SV2C: variants seen among roughly 807,000 people sequenced by gnomAD.
The protein encoded by SV2C is synaptic vesicle glycoprotein 2C.
A neutral mutation model predicts 79.7 loss-of-function variants in SV2C; 49 were observed. That is an observed-to-expected ratio of 0.61 (90% CI 0.49 to 0.78). The LOEUF is 0.78. Ranked by LOEUF, SV2C falls within the 30% of genes least tolerant of loss-of-function variation. SV2C has a pLI of 0.00. For synonymous variants in SV2C, 334 were observed against 333.2 expected (o/e 1.00, Z -0.03); for missense variants, 833 against 912.9 (o/e 0.91, Z 1.13).
intron 4 of SV2C, among the ~76,000 whole-genome samples, chr5:76,248,916 G>A (rs1436707143): frequency 6.6e-6 from 1 of 152,190 alleles, no homozygotes; most frequent in East Asian, 1.9e-4. Flanking sequence ...ACCACGCCTG[G>A]CCTCAGTGAA....
intron 4 of SV2C, among the ~76,000 whole-genome samples, chr5:76,268,314 A>G (rs941133886): frequency 1.3e-5 from 2 of 152,134 alleles, no homozygotes; most frequent in Non-Finnish European, 2.9e-5. Flanking sequence ...GCTGAGAGAC[A>G]ATGAATACTG....
intron 4 of SV2C, among the ~76,000 whole-genome samples, chr5:76,241,687 C>A (rs1745790002): frequency 6.6e-6 from 1 of 151,770 alleles, no homozygotes; most frequent in Admixed American, 6.6e-5. Context: ...GACATAAAAA[C>A]AAATTTGTTT....
At chr5:76,218,426 T>TA (rs1374788531) in intron 4 of SV2C, among the ~76,000 whole-genome samples, 1 of 152,080 alleles carries the variant, frequency 6.6e-6, no homozygotes, top group Non-Finnish European at 1.5e-5. Flanking sequence ...TATGCAGCCA[T>TA]AAAAAATAAT....
chr5:75,928,716 A>T, the SV2C span, among the ~76,000 whole-genome samples: 2 of 152,060 alleles, frequency 1.3e-5, no homozygotes, highest in South Asian at 4.1e-4. Context: ...AAGTACTCTT[A>T]CTGTCTCTGT....
chr5:76,022,791 C>T, the SV2C span, among the ~76,000 whole-genome samples: 1 of 152,132 alleles, frequency 6.6e-6, no homozygotes, highest in East Asian at 1.9e-4. Context: ...TTCATGAAAT[C>T]ACTTTATGTG....
chr5:75,921,372 G>C, the SV2C span: 39 of 916,382 alleles, frequency 4.3e-5, no homozygotes, highest in South Asian at 2.7e-4. Flanking sequence ...GGGGGGTGCT[G>C]GTAGGTGTCC....
chr5:76,309,599 C>CAAAAAAAAAA (rs769865757), intron 12 of SV2C, among the ~76,000 whole-genome samples: 2 of 18,714 alleles, frequency 1.1e-4, no homozygotes, highest in Admixed American at 7.9e-4. Context: ...AACTCCATCT[C>CAAAAAAAAAA]AAAAAAAAAA....
the SV2C span, among the ~76,000 whole-genome samples, chr5:75,847,774 G>A: frequency 6.6e-6 from 1 of 152,196 alleles, no homozygotes; most frequent in African/African-American, 2.4e-5. Context: ...TGACCTCCAA[G>A]CTAGAGGAGA....
At chr5:75,898,292 T>C in the SV2C span, among the ~76,000 whole-genome samples, 4 of 152,254 alleles carry the variant, frequency 2.6e-5, no homozygotes, top group African/African-American at 9.6e-5. Flanking sequence ...TGTTGAATTT[T>C]GTCCAAGGCC....
At chr5:75,852,252 G>A in the SV2C span, among the ~76,000 whole-genome samples, 1 of 152,044 alleles carries the variant, frequency 6.6e-6, no homozygotes, top group Admixed American at 6.6e-5. Flanking sequence ...ACTATGGCAC[G>A]TGTATACCTA....
the SV2C span, among the ~76,000 whole-genome samples, chr5:75,848,573 T>C: frequency 1.3e-5 from 2 of 152,246 alleles, no homozygotes; most frequent in Admixed American, 1.3e-4. Context: ...TGTTTTAAGT[T>C]GTCTGCCATT....
rs151155605 is a variant in SV2C at position 76,198,128 on chromosome 5, G to T, written c.761+3029G>T. On this transcript the variant is annotated intron_variant, in intron 3 of 12. Transcript: ENST00000502798. ...ACTTCTCCACTCAGTTTACCAATTTGCATGCCCATCTCCTCCAGAAACACC... is the reference window on the plus strand; with the variant it reads ...ACTTCTCCACTCAGTTTACCAATTTTCATGCCCATCTCCTCCAGAAACACC... 1.1e-3 allele frequency among the ~76,000 whole-genome samples: 171 copies of T among 152,252 alleles called. 2 individuals carry two copies. The highest frequency in any genetic ancestry group is 4.3e-3 in the Admixed American group (66 of 15,296).
At chr5:76,088,659 G>C (rs2112091541) in intron 1 of SV2C, among the ~76,000 whole-genome samples, 1 of 152,320 alleles carries the variant, frequency 6.6e-6, no homozygotes, top group Admixed American at 6.5e-5. Flanking sequence ...AGGGACACCA[G>C]CTTTCAGACC....
the SV2C span, among the ~76,000 whole-genome samples, chr5:75,949,530 T>C: frequency 6.6e-6 from 1 of 152,004 alleles, no homozygotes; most frequent in Non-Finnish European, 1.5e-5. Context: ...ATTTTCCACA[T>C]GTTGTGGGAG....
chr5:76,136,067 G>A (rs1318641327), intron 2 of SV2C, among the ~76,000 whole-genome samples: 4 of 152,316 alleles, frequency 2.6e-5, no homozygotes, highest in South Asian at 2.1e-4. Context: ...TTACAAAGAT[G>A]AGTGATATTT....
intron 1 of SV2C, among the ~76,000 whole-genome samples, chr5:76,120,284 C>CT (rs34824602): frequency 0.6 from 87,568 of 146,844 alleles, 27,823 homozygotes; most frequent in African/African-American, 0.84. Flanking sequence ...AATAACATTT[C>CT]TTTTTTTTTT....
chr5:75,979,405 C>T, the SV2C span, among the ~76,000 whole-genome samples: 3 of 151,784 alleles, frequency 2.0e-5, no homozygotes, highest in Non-Finnish European at 4.4e-5. Flanking sequence ...AATTCTCCAC[C>T]CCAAAACAAC....
intron 2 of SV2C, among the ~76,000 whole-genome samples, chr5:76,183,961 G>A (rs2358531): frequency 0.79 from 120,832 of 152,138 alleles, 48,557 homozygotes; most frequent in East Asian, 0.91. Flanking sequence ...ATTATAGCAC[G>A]TGTTTCATTC....
chr5:76,073,544 T>TATATATATATAAATAC, the SV2C span, among the ~76,000 whole-genome samples: 59 of 121,038 alleles, frequency 4.9e-4, no homozygotes, highest in African/African-American at 1.6e-3. Flanking sequence ...TATATATATA[T>TATATATATATAAATAC]ACACCATGGA....
Sources: allele counts gnomAD v4.1 joint callset (sites outside exome capture counted in the v4.1 genomes callset), GRCh38; gene constraint gnomAD v4.1.1; transcripts MANE v1.5; gene names NCBI Gene and HGNC (gene_info 2026-07-23, HGNC 2026-07-21).